Variants in GTF3C1 observed in about 807,000 individuals in gnomAD.
GTF3C1 encodes the protein general transcription factor IIIC subunit 1.
Under a neutral mutation model 226.7 loss-of-function variants are expected in GTF3C1, and 57 were observed. The ratio of observed to expected loss-of-function variants is 0.25; its 90% confidence interval spans 0.20 to 0.31. The LOEUF is 0.31. GTF3C1 is among the 10% of genes least tolerant of loss of function. The pLI is 1.00. For synonymous variants in GTF3C1, 1,090 were observed against 1,084.8 expected (o/e 1.00, Z -0.09); for missense variants, 2,217 against 2,776.1 (o/e 0.80, Z 4.53).
At chr16:27,536,876 G>A (rs909319015) in intron 4 of GTF3C1, among the ~76,000 whole-genome samples, 1 of 152,150 alleles carries the variant, frequency 6.6e-6, no homozygotes, top group Non-Finnish European at 1.5e-5. Flanking sequence ...TGCAGTGAGG[G>A]CTGAGACCTC....
rs1449379583 is a variant in GTF3C1, at chr16:27,461,219, G to A, written c.*131C>T. ...GGAAACGTGTCAGTCTGTGACTCTG[G>A]CCAAAGCACCCGTCCCCTGCTGCAG... On this transcript the variant is annotated 3_prime_UTR_variant, in exon 37 of 37. Transcript: ENST00000356183. This position sits in a 1 kb window ranked among gnomAD's most constrained non-coding sequence, Gnocchi z 5.3. The A allele has an allele frequency of 3.2e-6, 2 of 626,472 alleles. No homozygotes were observed. The highest frequency in any genetic ancestry group is 1.8e-5 in the African/African-American group (1 of 54,454). 38.8% of individuals were successfully genotyped at this position (626,472 alleles called of 1,614,324 possible).
intron 16 of GTF3C1, 96 bp downstream of exon 16, chr16:27,494,667 G>A (rs894781373): frequency 2.2e-5 from 18 of 817,888 alleles, no homozygotes; most frequent in East Asian, 4.9e-5. Context: ...GGGCAACACC[G>A]GGTCTTCAAG....
rs911701866 is a variant in GTF3C1 at position 27,462,031 on chromosome 16, T to A, written c.6117+263A>T. 3 of 483,526 alleles carry A rather than the reference T, an allele frequency of 6.2e-6. No homozygotes were observed. Among genetic ancestry groups the A allele is most frequent in the Non-Finnish European group, 1.1e-5 (3 of 269,600 alleles). 30.0% of individuals were successfully genotyped at this position (483,526 alleles called of 1,614,324 possible). A position where few individuals can be genotyped will look rare whatever the true frequency, so the allele number is the denominator to read the frequency against. On this transcript the variant is annotated intron_variant, in intron 36 of 36. Coordinates refer to ENST00000356183, the MANE Select transcript of GTF3C1 (RefSeq NM_001520.4). This position sits in a 1 kb window ranked among gnomAD's most constrained non-coding sequence, Gnocchi z 4.5. ...TGACCCGTGGGGCCCGGCGGACTCA[T>A]GAGTTAGTGACCCCTGGCACAGAGA...
intron 11 of GTF3C1, 94 bp from the exon 12 acceptor site, chr16:27,501,438 A>G (rs1023517944): frequency 2.1e-5 from 24 of 1,129,792 alleles, no homozygotes; most frequent in South Asian, 1.3e-4. Flanking sequence ...ACGGTACCCA[A>G]TAGAAACAAG....
chr16:27,464,720 G>A lies in GTF3C1; in HGVS notation c.5472C>T (p.Asp1824=), dbSNP rs763806529. The part of the protein sequence containing the change: ...LHSVRLKDRE[D]ADIQREDPQA... ...GGGGGTCTTCTCTCTGGATGTCGGCGTCTTCTCTGTCTTTCAGCCGCACGG... is the reference window on the plus strand; with the variant it reads ...GGGGGTCTTCTCTCTGGATGTCGGCATCTTCTCTGTCTTTCAGCCGCACGG... The change falls in exon 34 of 37, where the codon GAC becomes GAT. Residue 1824 remains aspartate, a synonymous_variant. Coordinates refer to ENST00000356183, the MANE Select transcript of GTF3C1 (RefSeq NM_001520.4). The A allele has an allele frequency of 1.4e-5, 22 of 1,595,068 alleles. No individual in the cohort carries two copies. The highest frequency in any genetic ancestry group is 8.5e-5 in the Admixed American group (5 of 59,024).
intron 6 of GTF3C1, among the ~76,000 whole-genome samples, chr16:27,515,438 C>T (rs1332341274): frequency 6.6e-6 from 1 of 151,434 alleles, no homozygotes; most frequent in Admixed American, 6.6e-5. Context: ...AAGAGTGAGA[C>T]TCTGTTTCAA....
intron 6 of GTF3C1, among the ~76,000 whole-genome samples, chr16:27,516,710 C>T (rs533509847): frequency 1.3e-5 from 2 of 152,236 alleles, no homozygotes; most frequent in Non-Finnish European, 2.9e-5. Flanking sequence ...AGCACAATCA[C>T]TGCAGCCTCG....
chr16:27,469,216 C>T lies in GTF3C1; in HGVS notation c.5074+75G>A. On this transcript the variant is annotated intron_variant, in intron 32 of 36. Coordinates refer to ENST00000356183, the MANE Select transcript of GTF3C1 (RefSeq NM_001520.4). The surrounding 1 kb of genome is among the most constrained non-coding windows in gnomAD (Gnocchi z 4.5). ...GCCTGGGGAGCCTGAAGGTCTAGGT[C>T]CCAGGCCAGGCCTCAGGGTCTTCCT... 4 of 1,447,902 alleles carry T rather than the reference C, an allele frequency of 2.8e-6. No homozygotes were observed. Among genetic ancestry groups the T allele is most frequent in the Non-Finnish European group, 3.7e-6 (4 of 1,077,552 alleles). 89.7% of individuals were successfully genotyped at this position (1,447,902 alleles called of 1,614,324 possible).
At position 27,521,014 on chromosome 16, in the gene GTF3C1, C is replaced by T. The variant is rs1158204801; in HGVS notation, c.973+7584G>A. 4.6e-4 allele frequency among the ~76,000 whole-genome samples: 70 copies of T among 152,366 alleles called. 1 individual carries two copies. Among genetic ancestry groups the T allele is most frequent in the African/African-American group, 1.7e-3 (69 of 41,592 alleles). On this transcript the variant is annotated intron_variant, in intron 6 of 36. Coordinates refer to ENST00000356183, the MANE Select transcript of GTF3C1 (RefSeq NM_001520.4). ...GATTAGAGGCCTAAGCCACAGCGCC[C>T]AGCCTCCCCAATGCTCTTAAAGCGC...
intron 6 of GTF3C1, among the ~76,000 whole-genome samples, chr16:27,524,529 A>G (rs1277564109): frequency 6.6e-6 from 1 of 152,208 alleles, no homozygotes; most frequent in African/African-American, 2.4e-5. Flanking sequence ...GCTGAAGGTC[A>G]CCTTACCAGA....
At position 27,478,500 on chromosome 16, in the gene GTF3C1, CT is replaced by C; in HGVS notation, c.4227del (p.Asp1410IlefsTer23). The C allele has an allele frequency of 6.2e-7, 1 of 1,612,324 alleles. No homozygotes were observed. The highest frequency in any genetic ancestry group is 8.5e-7 in the Non-Finnish European group (1 of 1,178,362). On this transcript the variant is annotated frameshift_variant, in exon 28 of 37. Coordinates refer to ENST00000356183, the MANE Select transcript of GTF3C1 (RefSeq NM_001520.4). LOFTEE classifies it high-confidence loss of function. ...RYRVLAIGDE[K>X]DQTRKEDELN... ...AGTTCATCCTCTTTCCTGGTTTGATCTTTTTCATCCCCAATTGCCAAAACTC... is the reference window on the plus strand; with the variant it reads ...AGTTCATCCTCTTTCCTGGTTTGATCTTTTCATCCCCAATTGCCAAAACTC...
At chr16:27,533,230 A>C in intron 5 of GTF3C1, 61 bp downstream of exon 5, 2 of 798,724 alleles carry the variant, frequency 2.5e-6, no homozygotes, top group Non-Finnish European at 4.4e-6. Flanking sequence ...ATGCCTGACA[A>C]GACCTCCCGG....
chr16:27,465,359 C>G lies in GTF3C1; in HGVS notation c.5256G>C (p.Thr1752=), dbSNP rs753900389. The change falls in exon 33 of 37, where the codon ACG becomes ACC. Residue 1752 remains threonine, a synonymous_variant. Coordinates refer to ENST00000356183, the MANE Select transcript of GTF3C1 (RefSeq NM_001520.4). ...ALEILEAIIA[T]GCFGIDKEEL... ...CCTCCTTGTCAATCCCAAAACAACC[C>G]GTGGCTATAATGGCTTCCAAGATCT... The G allele has an allele frequency of 1.2e-6, 2 of 1,614,154 alleles. No homozygotes were observed. Among genetic ancestry groups the G allele is most frequent in the Non-Finnish European group, 1.7e-6 (2 of 1,180,010 alleles).
At chr16:27,508,721 C>T (rs2088525084) in intron 7 of GTF3C1, 66 bp from the exon 8 acceptor site, 3 of 1,167,126 alleles carry the variant, frequency 2.6e-6, no homozygotes, top group African/African-American at 1.5e-5. Flanking sequence ...AGTCAGTTTC[C>T]AGCCCACTTT....
intron 5 of GTF3C1, among the ~76,000 whole-genome samples, chr16:27,531,037 C>T (rs2088908813): frequency 6.6e-6 from 1 of 152,224 alleles, no homozygotes; most frequent in South Asian, 2.1e-4. Flanking sequence ...CTTCCCTCCA[C>T]CAGCTCATAT....
In GTF3C1 at chr16:27,465,400, G is replaced by C. The variant is rs758841735; in HGVS notation, c.5215C>G (p.Leu1739Val). Reference sequence around the variant, plus strand: ...TCCAAGATCTCCAAGGCAGCAGTCAGGTCTTCGGGACTATACCCAGACAGC... The same window carrying C: ...TCCAAGATCTCCAAGGCAGCAGTCACGTCTTCGGGACTATACCCAGACAGC... ...LELSGYSPED[L>V]TAALEILEAI... The change falls in exon 33 of 37, where the codon CTG (leucine) becomes GTG (valine). Residue 1739 changes from leucine to valine, a missense_variant. This residue lies in a region of GTF3C1 where 455 missense variants were observed against 441.9 expected (regional missense o/e 1.03). Coordinates refer to ENST00000356183, the MANE Select transcript of GTF3C1 (RefSeq NM_001520.4). 6.2e-7 allele frequency: 1 copy of C among 1,614,086 alleles called. No homozygotes were observed. Among genetic ancestry groups the C allele is most frequent in the Non-Finnish European group, 8.5e-7 (1 of 1,180,000 alleles).
intron 29 of GTF3C1, among the ~76,000 whole-genome samples, chr16:27,474,917 A>G (rs899067204): frequency 4.6e-5 from 7 of 152,262 alleles, no homozygotes; most frequent in African/African-American, 1.7e-4. Context: ...GGAGGCACAG[A>G]GAACCTCCAG....
chr16:27,464,753 G>A lies in GTF3C1; in HGVS notation c.5439C>T (p.Leu1813=). Residue 1813 remains leucine (L), a synonymous_variant, in exon 34 of 37, where the codon CTC becomes CTT. Transcript: ENST00000356183. ...LVAMGSAWPW[L]LHSVRLKDRE... is the part of the protein sequence containing the mutation. Reference sequence around the variant, plus strand: ...TGTCTTTCAGCCGCACGGAGTGCAGGAGCCAAGGCCAGGCAGAGCCCATGG... The same window carrying A: ...TGTCTTTCAGCCGCACGGAGTGCAGAAGCCAAGGCCAGGCAGAGCCCATGG... 5 of 1,587,112 alleles carry A rather than the reference G, an allele frequency of 3.2e-6. No individual in the cohort carries two copies. The highest frequency in any genetic ancestry group is 1.7e-4 in the Middle Eastern group (1 of 6,002).
chr16:27,529,032 T>C (rs2088875160), intron 5 of GTF3C1, among the ~76,000 whole-genome samples: 1 of 152,130 alleles, frequency 6.6e-6, no homozygotes, highest in Non-Finnish European at 1.5e-5. Flanking sequence ...TGATACCTTT[T>C]CATGTTGTTT....
Sources: gnomAD v4.1 joint callset for allele counts (sites outside exome capture counted in the v4.1 genomes callset) on GRCh38, gnomAD v4.1.1 for gene constraint, gnomAD v4.1.1 regional missense constraint, Gnocchi (gnomAD v3.1) non-coding constraint, MANE v1.5 for transcripts, NCBI Gene and HGNC (gene_info 2026-07-23, HGNC 2026-07-21) for gene names.